Variants in CDH12 observed in about 807,000 individuals in gnomAD.
CDH12 encodes the protein cadherin-12.
In CDH12, 41 loss-of-function variants were observed where a neutral mutation model predicts 74.1. That is an observed-to-expected ratio of 0.55 (90% CI 0.43 to 0.72). The LOEUF is 0.72. Ranked by LOEUF, CDH12 falls within the 30% of genes least tolerant of loss-of-function variation. CDH12 has a pLI of 0.00. For synonymous variants in CDH12, 399 were observed against 355.0 expected (o/e 1.12, Z -1.39); for missense variants, 945 against 977.2 (o/e 0.97, Z 0.44).
At chr5:21,940,282 G>C (rs1375965959) in intron 6 of CDH12, among the ~76,000 whole-genome samples, 2 of 152,124 alleles carry the variant, frequency 1.3e-5, no homozygotes, top group Non-Finnish European at 2.9e-5. Flanking sequence ...CTGAAAGCAA[G>C]TCTCAAATGC....
At chr5:22,516,866 A>C (rs1168149969) in intron 1 of CDH12, among the ~76,000 whole-genome samples, 1 of 152,158 alleles carries the variant, frequency 6.6e-6, no homozygotes, top group African/African-American at 2.4e-5. Flanking sequence ...AAAGAAAAAC[A>C]GTATATTAAT....
intron 3 of CDH12, among the ~76,000 whole-genome samples, chr5:22,274,658 T>C (rs957349685): frequency 2.0e-5 from 3 of 152,072 alleles, no homozygotes; most frequent in Non-Finnish European, 2.9e-5. Flanking sequence ...TGCCAATATA[T>C]ATATAATATG....
chr5:22,324,513 T>C (rs183251353), intron 3 of CDH12, among the ~76,000 whole-genome samples: 1 of 152,042 alleles, frequency 6.6e-6, no homozygotes, highest in Admixed American at 6.5e-5. Context: ...GGTTGTAGAT[T>C]ACCTTACTGA....
chr5:22,399,190 G>GTATCTATCTATCTATCTATC (rs3039455), intron 3 of CDH12, among the ~76,000 whole-genome samples: 18 of 148,072 alleles, frequency 1.2e-4, no homozygotes, highest in Non-Finnish European at 3.0e-5. Flanking sequence ...AATCTACCCA[G>GTATCTATCTATCTATCTATC]TATCTATCTA....
intron 4 of CDH12, among the ~76,000 whole-genome samples, chr5:22,211,446 T>C (rs1342962506): frequency 6.6e-6 from 1 of 152,132 alleles, no homozygotes; most frequent in Non-Finnish European, 1.5e-5. Context: ...GACTGATAGA[T>C]CACATAATTA....
intron 3 of CDH12, among the ~76,000 whole-genome samples, chr5:22,265,422 C>T (rs1010610298): frequency 1.3e-5 from 2 of 152,132 alleles, no homozygotes; most frequent in Non-Finnish European, 2.9e-5. Context: ...ATAGTCTTAA[C>T]TTCAGGAATA....
chr5:22,785,962 G>C (rs1331046090), intron 1 of CDH12, among the ~76,000 whole-genome samples: 1 of 152,146 alleles, frequency 6.6e-6, no homozygotes, highest in East Asian at 1.9e-4. Flanking sequence ...TCCCTTTACT[G>C]GGTATATAAC....
chr5:22,105,143 A>G (rs562921631), intron 4 of CDH12, among the ~76,000 whole-genome samples: 109 of 151,830 alleles, frequency 7.2e-4, no homozygotes, highest in Non-Finnish European at 1.2e-3. Context: ...CCAGGCTGGA[A>G]TGCAGTGGTA....
chr5:22,533,012 T>C (rs1437236957), intron 1 of CDH12, among the ~76,000 whole-genome samples: 2 of 152,066 alleles, frequency 1.3e-5, no homozygotes, highest in South Asian at 2.1e-4. Flanking sequence ...TTTAAAGAGG[T>C]ATATCCTGAA....
chr5:22,562,340 AAAC>A (rs890073685), intron 1 of CDH12, among the ~76,000 whole-genome samples: 2 of 152,104 alleles, frequency 1.3e-5, no homozygotes, highest in Non-Finnish European at 2.9e-5. Context: ...AAAAACAAAC[AAAC>A]AAAAAAAAAC....
intron 6 of CDH12, among the ~76,000 whole-genome samples, chr5:21,892,817 T>C (rs1230085752): frequency 6.6e-6 from 1 of 152,218 alleles, no homozygotes; most frequent in East Asian, 1.9e-4. Flanking sequence ...TATCCATCTC[T>C]GTTTTCTCCA....
chr5:22,603,260 G>A (rs1476997933), intron 1 of CDH12, among the ~76,000 whole-genome samples: 1 of 152,028 alleles, frequency 6.6e-6, no homozygotes, highest in East Asian at 1.9e-4. Context: ...AAAAATAAAT[G>A]CATGCATAAA....
Position 22,078,662 on chromosome 5 carries a change from G to A in CDH12, c.15C>T (p.Asn5=). Reference sequence around the variant, plus strand: ...GAACCCAGAGAAGCAGGGATAAACAGTTCCTTGTAAGCATTGGCAAAGGCT... The same window carrying A: ...GAACCCAGAGAAGCAGGGATAAACAATTCCTTGTAAGCATTGGCAAAGGCT... MLTR[N]CLSLLLWVLF... The change falls in exon 5 of 15, where the codon AAC becomes AAT. Residue 5 remains asparagine (N), a synonymous_variant. Transcript: ENST00000382254. 1.2e-6 allele frequency: 2 copies of A among 1,613,584 alleles called. No homozygotes were observed. Among genetic ancestry groups the A allele is most frequent in the Middle Eastern group, 1.7e-4 (1 of 6,056 alleles).
chr5:22,401,936 T>C (rs1258838204), intron 3 of CDH12, among the ~76,000 whole-genome samples: 1 of 152,138 alleles, frequency 6.6e-6, no homozygotes, highest in East Asian at 1.9e-4. Flanking sequence ...CACCAGAAGA[T>C]AAGAAAGAGG....
chr5:22,499,129 G>T (rs1286625442), intron 2 of CDH12, among the ~76,000 whole-genome samples: 1 of 151,260 alleles, frequency 6.6e-6, no homozygotes, highest in East Asian at 2.0e-4. Context: ...GCCAGTGCTG[G>T]TTTTGAACTC....
chr5:21,880,671 CTTT>C (rs1561268797), intron 6 of CDH12, among the ~76,000 whole-genome samples: 12 of 120,314 alleles, frequency 1.0e-4, no homozygotes, highest in Non-Finnish European at 1.6e-4. Context: ...TTCTTTCTTT[CTTT>C]CTTTCTTTCT....
chr5:21,785,719 G>C (rs1746162142), intron 10 of CDH12, among the ~76,000 whole-genome samples: 1 of 152,154 alleles, frequency 6.6e-6, no homozygotes, highest in Non-Finnish European at 1.5e-5. Flanking sequence ...AGAAAAGTGT[G>C]AGCTAGCAGA....
chr5:22,628,106 A>G (rs1738393943), intron 1 of CDH12, among the ~76,000 whole-genome samples: 1 of 152,176 alleles, frequency 6.6e-6, no homozygotes, highest in Admixed American at 6.5e-5. Flanking sequence ...TCATAAAAGC[A>G]AGTTCTTACA....
At chr5:22,805,706 C>T (rs1055919195) in intron 1 of CDH12, among the ~76,000 whole-genome samples, 10 of 152,012 alleles carry the variant, frequency 6.6e-5, no homozygotes, top group Non-Finnish European at 1.3e-4. Flanking sequence ...ATGTGCAGAA[C>T]GTGCAGGTTT....
Sources: allele counts gnomAD v4.1 joint callset (sites outside exome capture counted in the v4.1 genomes callset), GRCh38; gene constraint gnomAD v4.1.1; transcripts MANE v1.5; gene names NCBI Gene and HGNC (gene_info 2026-07-23, HGNC 2026-07-21).